The following TUSC3 variants were observed in gnomAD, a reference collection of about 807,000 sequenced individuals.
TUSC3 encodes dolichyl-diphosphooligosaccharide--protein glycosyltransferase subunit TUSC3.
A neutral mutation model predicts 44.8 loss-of-function variants in TUSC3; 45 were observed. The observed-to-expected ratio is 1.00, with a 90% CI of 0.79 to 1.29. TUSC3 has a LOEUF of 1.29. Ranked by LOEUF, TUSC3 falls within the 50% of genes most tolerant of loss-of-function variation. The pLI is 0.00. For missense variants in TUSC3, 519 were observed against 437.9 expected, an observed-to-expected ratio of 1.19 and a Z score of -1.65; for synonymous variants, 212 against 152.9, an observed-to-expected ratio of 1.39 and a Z score of -2.85.
At chr8:15,502,110 G>T (rs1366725398) in intron 2 of TUSC3, among the ~76,000 whole-genome samples, 1 of 151,994 alleles carries the variant, frequency 6.6e-6, no homozygotes, top group East Asian at 1.9e-4. Flanking sequence ...ATAACTTTTA[G>T]TTGAAGCAGC....
intron 6 of TUSC3, among the ~76,000 whole-genome samples, chr8:15,727,730 C>T (rs888353697): frequency 3.9e-5 from 6 of 152,106 alleles, no homozygotes; most frequent in African/African-American, 4.8e-5. Context: ...AACAGCTTCT[C>T]GGCCTTTTGG....
chr8:15,804,745 T>C, the TUSC3 span, among the ~76,000 whole-genome samples: 3 of 152,202 alleles, frequency 2.0e-5, no homozygotes, highest in Non-Finnish European at 4.4e-5. Context: ...TACTTTGAAG[T>C]TGGGTATTGT....
chr8:15,778,339 G>T, the TUSC3 span, among the ~76,000 whole-genome samples: 1,366 of 152,186 alleles, frequency 9.0e-3, 22 homozygotes, highest in African/African-American at 0.032. Flanking sequence ...TACTTTTAGG[G>T]TCCTGGGAAA....
At chr8:15,502,408 T>A (rs1199942848) in intron 2 of TUSC3, among the ~76,000 whole-genome samples, 1 of 152,234 alleles carries the variant, frequency 6.6e-6, no homozygotes, top group Non-Finnish European at 1.5e-5. Flanking sequence ...TCTGCAACCA[T>A]CAGGACTAGA....
At chr8:15,813,712 C>T in the TUSC3 span, among the ~76,000 whole-genome samples, 2 of 152,064 alleles carry the variant, frequency 1.3e-5, no homozygotes, top group East Asian at 3.9e-4. Context: ...TGAGCTCCTT[C>T]TGTCTTTACA....
downstream of TUSC3, among the ~76,000 whole-genome samples, chr8:15,770,869 A>G (rs1346785743): frequency 6.6e-6 from 1 of 152,170 alleles, no homozygotes; most frequent in Non-Finnish European, 1.5e-5. Context: ...ATAATGTTCA[A>G]ACTTACCAAA....
At chr8:15,764,078 A>T in intron 10 of TUSC3, 125 bp from the exon 11 acceptor site, 2 of 997,912 alleles carry the variant, frequency 2.0e-6, no homozygotes, top group Non-Finnish European at 2.9e-6. Flanking sequence ...AATTACAATT[A>T]GTTGAATACA....
At chr8:15,584,113 T>A (rs1417400116) in intron 1 of TUSC3, among the ~76,000 whole-genome samples, 1 of 152,232 alleles carries the variant, frequency 6.6e-6, no homozygotes, top group Non-Finnish European at 1.5e-5. Flanking sequence ...AATATTTAGA[T>A]GTTTAATTGA....
chr8:15,515,520 TC>T (rs1412463516), intron 2 of TUSC3, among the ~76,000 whole-genome samples: 1 of 152,118 alleles, frequency 6.6e-6, no homozygotes, highest in East Asian at 1.9e-4. Context: ...TTTCCTTGGT[TC>T]ATTAATAGGT....
chr8:15,620,198 A>G (rs928317929), intron 1 of TUSC3, among the ~76,000 whole-genome samples: 1 of 152,212 alleles, frequency 6.6e-6, no homozygotes, highest in African/African-American at 2.4e-5. Flanking sequence ...GGTATAGTGA[A>G]TCTCACACTC....
At chr8:15,650,206 T>G (rs1341355619) in intron 2 of TUSC3, among the ~76,000 whole-genome samples, 1 of 152,230 alleles carries the variant, frequency 6.6e-6, no homozygotes, top group Admixed American at 6.5e-5. Context: ...GTATAAGTAT[T>G]TAAAATTTTA....
At chr8:15,666,867 G>A (rs1053029850) in intron 5 of TUSC3, among the ~76,000 whole-genome samples, 1 of 151,370 alleles carries the variant, frequency 6.6e-6, no homozygotes, top group Admixed American at 6.6e-5. Flanking sequence ...TTTGTGTAAA[G>A]AGTTAGGAAA....
At chr8:15,632,335 C>A (rs1003787097) in intron 2 of TUSC3, among the ~76,000 whole-genome samples, 2 of 152,098 alleles carry the variant, frequency 1.3e-5, no homozygotes, top group Admixed American at 1.3e-4. Context: ...CTGATTGTTT[C>A]TTCCTGATTA....
At chr8:15,437,281 G>A (rs566239475) in intron 1 of TUSC3, among the ~76,000 whole-genome samples, 1 of 152,244 alleles carries the variant, frequency 6.6e-6, no homozygotes, top group African/African-American at 2.4e-5. Context: ...TATTTCATCA[G>A]ATAAAAGCAA....
chr8:15,561,060 T>C (rs552845841), intron 1 of TUSC3, among the ~76,000 whole-genome samples: 1 of 132,176 alleles, frequency 7.6e-6, no homozygotes, highest in Non-Finnish European at 1.6e-5. Context: ...ACTGCGTTCC[T>C]TTGGAGGAGG....
chr8:15,674,554 C>T (rs1808097221), intron 6 of TUSC3, among the ~76,000 whole-genome samples: 1 of 151,918 alleles, frequency 6.6e-6, no homozygotes, highest in African/African-American at 2.4e-5. Flanking sequence ...TTGTACCCAT[C>T]ACTAGACTTT....
chr8:15,581,577 G>T (rs1401014803), intron 1 of TUSC3, among the ~76,000 whole-genome samples: 3 of 148,952 alleles, frequency 2.0e-5, no homozygotes, highest in South Asian at 2.2e-4. Flanking sequence ...ATACCCTGCA[G>T]TGTGAGGTGT....
At chr8:15,820,041 G>C in the TUSC3 span, among the ~76,000 whole-genome samples, 1 of 152,060 alleles carries the variant, frequency 6.6e-6, no homozygotes, top group Non-Finnish European at 1.5e-5. Flanking sequence ...ACTGTTCCTA[G>C]TTTGCTGAGA....
chr8:15,745,875 G>C (rs1303585091), intron 8 of TUSC3, among the ~76,000 whole-genome samples: 5 of 124,148 alleles, frequency 4.0e-5, no homozygotes, highest in Non-Finnish European at 9.0e-5. Context: ...GTTGAGACAG[G>C]CATTTCCTAG....
Sources: allele counts gnomAD v4.1 joint callset (sites outside exome capture counted in the v4.1 genomes callset), GRCh38; gene constraint gnomAD v4.1.1; transcripts MANE v1.5; gene names NCBI Gene and HGNC (gene_info 2026-07-23, HGNC 2026-07-21).